RBFOX1: variants seen among roughly 807,000 people sequenced by gnomAD.
The protein encoded by RBFOX1 is RNA binding fox-1 homolog 1, also known as RNA binding protein fox-1 homolog 1.
RBFOX1 carries 8 observed loss-of-function variants against 57.7 expected under a neutral mutation model. The observed-to-expected ratio is 0.14, with a 90% CI of 0.08 to 0.25. The LOEUF is 0.25. Ranked by LOEUF, RBFOX1 falls within the 10% of genes least tolerant of loss-of-function variation. The pLI, the probability that RBFOX1 is intolerant of heterozygous loss-of-function variation, is 1.00. For missense variants in RBFOX1, 611 were observed against 548.5 expected (o/e 1.11, Z -1.14); for synonymous variants, 326 against 222.4 (o/e 1.47, Z -4.15).
chr16:5,424,533 T>C (rs924605055), intron 1 of RBFOX1, among the ~76,000 whole-genome samples: 1 of 152,134 alleles, frequency 6.6e-6, no homozygotes, highest in Admixed American at 6.5e-5. Context: ...TTTACTTTTT[T>C]TTTTTTTTTT....
At chr16:6,845,625 C>G (rs969241680) in intron 3 of RBFOX1, among the ~76,000 whole-genome samples, 5 of 152,082 alleles carry the variant, frequency 3.3e-5, no homozygotes, top group East Asian at 1.9e-4. Context: ...TATCAGGACA[C>G]TATCACTTAC....
chr16:6,003,547 C>T (rs935771823), intron 4 of RBFOX1, among the ~76,000 whole-genome samples: 33 of 143,262 alleles, frequency 2.3e-4, no homozygotes, highest in Admixed American at 6.3e-4. Context: ...AGGGTCATTG[C>T]TCCACCCCTG....
intron 1 of RBFOX1, among the ~76,000 whole-genome samples, chr16:6,048,746 A>G (rs367568067): frequency 8.5e-5 from 13 of 152,232 alleles, no homozygotes; most frequent in African/African-American, 2.9e-4. Context: ...TTTGGATATT[A>G]AAACCTATAA....
chr16:6,936,066 G>A (rs145213600), intron 3 of RBFOX1, among the ~76,000 whole-genome samples: 2 of 152,288 alleles, frequency 1.3e-5, no homozygotes, highest in East Asian at 3.9e-4. Flanking sequence ...GCCTGCGTCA[G>A]GCTGACTGCG....
At chr16:6,514,800 G>A (rs2096339061) in intron 2 of RBFOX1, among the ~76,000 whole-genome samples, 1 of 152,014 alleles carries the variant, frequency 6.6e-6, no homozygotes, top group South Asian at 2.1e-4. Flanking sequence ...GAGAAAAATG[G>A]TGTCTCCTGA....
At chr16:5,955,356 AAAAATAAAAT>A (rs71142658) in intron 4 of RBFOX1, among the ~76,000 whole-genome samples, 3,546 of 26,916 alleles carry the variant, frequency 0.13, 281 homozygotes, top group African/African-American at 0.21. Context: ...TAAAATAAAT[AAAAATAAAAT>A]AAAATAAAAT....
intron 4 of RBFOX1, among the ~76,000 whole-genome samples, chr16:5,892,974 G>C (rs2058081782): frequency 6.6e-6 from 1 of 152,134 alleles, no homozygotes; most frequent in African/African-American, 2.4e-5. Context: ...GTCTTCCCAA[G>C]GGTAAAGAGG....
chr16:6,732,595 G>C (rs1214313631), intron 3 of RBFOX1, among the ~76,000 whole-genome samples: 1 of 152,220 alleles, frequency 6.6e-6, no homozygotes, highest in Non-Finnish European at 1.5e-5. Context: ...GCACGTAGTA[G>C]GTCTGCAAGG....
chr16:6,140,996 C>T (rs1254550789), intron 1 of RBFOX1, among the ~76,000 whole-genome samples: 1 of 152,174 alleles, frequency 6.6e-6, no homozygotes, highest in African/African-American at 2.4e-5. Context: ...GACACTGACC[C>T]ACACTGTGAC....
intron 3 of RBFOX1, among the ~76,000 whole-genome samples, chr16:6,834,743 C>T (rs1261532890): frequency 6.6e-6 from 1 of 152,106 alleles, no homozygotes; most frequent in Non-Finnish European, 1.5e-5. Context: ...CCTGCGACTG[C>T]TCGTGAGACA....
chr16:6,354,365 A>G (rs965242292), intron 2 of RBFOX1, among the ~76,000 whole-genome samples: 2 of 151,986 alleles, frequency 1.3e-5, no homozygotes, highest in African/African-American at 2.4e-5. Flanking sequence ...TCTCCACCCT[A>G]TCTTCGTTTC....
intron 3 of RBFOX1, among the ~76,000 whole-genome samples, chr16:5,815,952 A>G (rs2055618187): frequency 1.3e-5 from 2 of 152,112 alleles, no homozygotes; most frequent in African/African-American, 4.8e-5. Flanking sequence ...ATTGGTTAAA[A>G]TCCATTAGGC....
chr16:6,840,969 C>T (rs2093429691), intron 3 of RBFOX1, among the ~76,000 whole-genome samples: 1 of 151,800 alleles, frequency 6.6e-6, no homozygotes. Context: ...AGGGTATCTA[C>T]CAGGAGGTGG....
intron 1 of RBFOX1, among the ~76,000 whole-genome samples, chr16:6,100,073 G>A (rs764601627): frequency 6.6e-6 from 1 of 152,118 alleles, no homozygotes; most frequent in East Asian, 1.9e-4. Context: ...AGAGTTGAAT[G>A]TTGGGGATGC....
chr16:5,748,381 T>G (rs2053066004), intron 3 of RBFOX1, among the ~76,000 whole-genome samples: 1 of 152,318 alleles, frequency 6.6e-6, no homozygotes, highest in Admixed American at 6.5e-5. Context: ...TCTGTAGATG[T>G]CTATTAGGTC....
rs1315130232 is a variant in RBFOX1, at chr16:7,225,919, T to TATATATATATATAA, written c.27+173822_27+173823insTATATATATATAAA. ...AAAGTATAATAAATATATATATATA[T>TATATATATATATAA]AAATGTGAATGTCATGTTTCTGAGA... On this transcript the variant is annotated intron_variant, in intron 4 of 15. Transcript: ENST00000550418. Among the ~76,000 whole-genome samples, 1,209 of 142,108 alleles carry TATATATATATATAA rather than the reference T, an allele frequency of 8.5e-3. 22 individuals are homozygous for TATATATATATATAA. The highest frequency in any genetic ancestry group is 0.011 in the Non-Finnish European group (738 of 65,842). 93.2% of individuals were successfully genotyped at this position (142,108 alleles called of 152,430 possible). A position where few individuals can be genotyped will look rare whatever the true frequency, so the allele number is the denominator to read the frequency against.
chr16:5,442,677 A>C (rs2068119802), intron 1 of RBFOX1, among the ~76,000 whole-genome samples: 1 of 152,116 alleles, frequency 6.6e-6, no homozygotes, highest in Admixed American at 6.5e-5. Flanking sequence ...AGATCCCTTT[A>C]CTGAGCCCTG....
At chr16:6,126,356 A>G (rs548606388) in intron 1 of RBFOX1, among the ~76,000 whole-genome samples, 38 of 152,312 alleles carry the variant, frequency 2.5e-4, no homozygotes, top group African/African-American at 8.4e-4. Flanking sequence ...GGCAGTCATC[A>G]TAGCTAATAG....
At chr16:7,591,724 C>A (rs745370753) in intron 7 of RBFOX1, among the ~76,000 whole-genome samples, 48 of 152,146 alleles carry the variant, frequency 3.2e-4, no homozygotes, top group Non-Finnish European at 3.8e-4. Context: ...TAAGCAGTTA[C>A]ACATCAGCAT....
Sources: gnomAD v4.1 joint callset for allele counts (sites outside exome capture counted in the v4.1 genomes callset) on GRCh38, gnomAD v4.1.1 for gene constraint, MANE v1.5 for transcripts, NCBI Gene and HGNC (gene_info 2026-07-23, HGNC 2026-07-21) for gene names.